MYOCD: variants seen among roughly 807,000 people sequenced by gnomAD.
The protein encoded by MYOCD is myocardin.
A neutral mutation model predicts 96.1 loss-of-function variants in MYOCD; 32 were observed. The observed-to-expected ratio is 0.33, with a 90% confidence interval of 0.25 to 0.45. MYOCD has a LOEUF of 0.45. Ranked by LOEUF, MYOCD falls within the 20% of genes least tolerant of loss-of-function variation. The pLI, the probability that MYOCD is intolerant of heterozygous loss-of-function variation, is 1.00. For synonymous variants in MYOCD, 469 were observed against 469.0 expected (o/e 1.00, Z 0.00); for missense variants, 1,133 against 1,200.6 (o/e 0.94, Z 0.83).
chr17:12,768,469 C>T lies in MYOCD; in HGVS notation c.*4825C>T, dbSNP rs2033396434. ...AGACAAACCAACGCCAGAAGGTCTC[C>T]TGTGCTTATTTTAACCATCTGCTCC... On this transcript the variant is annotated 3_prime_UTR_variant, in exon 14 of 14. Transcript: ENST00000425538. 1 of 152,192 alleles carries T rather than the reference C, an allele frequency of 6.6e-6. No individual in the cohort carries two copies. Among genetic ancestry groups the T allele is most frequent in the Admixed American group, 6.6e-5 (1 of 15,266 alleles). The allele number at this position is 152,192 out of a possible 1,614,324, so 9.4% of individuals were successfully genotyped here.
At chr17:12,759,684 G>A (rs953431339) in intron 12 of MYOCD, among the ~76,000 whole-genome samples, 13 of 152,304 alleles carry the variant, frequency 8.5e-5, no homozygotes, top group African/African-American at 2.6e-4. Flanking sequence ...CTACTGAGAT[G>A]AGCCAGAGAG....
At chr17:12,668,745 C>A (rs1166326122) in intron 1 of MYOCD, among the ~76,000 whole-genome samples, 5 of 152,030 alleles carry the variant, frequency 3.3e-5, no homozygotes, top group Non-Finnish European at 7.4e-5. Context: ...ACATAATTCT[C>A]TGTGCCTCAA....
At chr17:12,695,165 G>A (rs984247158) in intron 1 of MYOCD, among the ~76,000 whole-genome samples, 1 of 152,118 alleles carries the variant, frequency 6.6e-6, no homozygotes, top group African/African-American at 2.4e-5. Context: ...TAACTTATAA[G>A]CCACAATAAA....
chr17:12,752,653 C>A lies in MYOCD; in HGVS notation c.1365C>A (p.Ser455Arg), dbSNP rs201880384. 42 of 1,613,690 alleles carry A rather than the reference C, an allele frequency of 2.6e-5. No individual in the cohort carries two copies. The highest frequency in any genetic ancestry group is 3.5e-5 in the Non-Finnish European group (41 of 1,179,852). ...GFYHFGSTSS[S>R]PPISPASSDL... Reference sequence around the variant, plus strand: ...ACCACTTTGGCAGCACCAGCTCCAGCCCCCCGATCTCCCCAGCCTCCTCTG... The same window carrying A: ...ACCACTTTGGCAGCACCAGCTCCAGACCCCCGATCTCCCCAGCCTCCTCTG... The change falls in exon 10 of 14, where the codon AGC (serine) becomes AGA (arginine). Residue 455 changes from serine (S) to arginine (R), a missense_variant. Coordinates refer to ENST00000425538, the MANE Select transcript of MYOCD (RefSeq NM_001146312.3).
Position 12,766,400 on chromosome 17 carries a change from C to T in MYOCD, c.*2756C>T. 1 of 152,122 alleles carries T rather than the reference C, an allele frequency of 6.6e-6. No individual in the cohort carries two copies. The highest frequency in any genetic ancestry group is 1.5e-5 in the Non-Finnish European group (1 of 68,014). 9.4% of individuals were successfully genotyped at this position (152,122 alleles called of 1,614,324 possible). A position where few individuals can be genotyped will look rare whatever the true frequency, so the allele number is the denominator to read the frequency against. The stretch of plus-strand genomic sequence containing the variant: ...ATAAAATGGTTCCTATATCCTAATG[C>T]AAACCAACACAGTTAAAAGAGCAGA... On this transcript the variant is annotated 3_prime_UTR_variant, in exon 14 of 14. Transcript: ENST00000425538.
chr17:12,678,180 C>T (rs559527511), intron 1 of MYOCD, among the ~76,000 whole-genome samples: 10 of 151,872 alleles, frequency 6.6e-5, no homozygotes, highest in Non-Finnish European at 1.5e-4. Flanking sequence ...TGTGAGCCAC[C>T]GCGCCCAGCC....
Position 12,705,109 on chromosome 17 carries a change from TA to T in MYOCD, c.56-17del. 1 of 1,587,482 alleles carries T rather than the reference TA, an allele frequency of 6.3e-7. No individual in the cohort carries two copies. Among genetic ancestry groups the T allele is most frequent in the Non-Finnish European group, 8.6e-7 (1 of 1,156,936 alleles). ...ATGATATTTAGCCCAACTCACAAAC[TA>T]ACACTCCCTTTTCTAAGTTTTACAG... On this transcript the variant is annotated intron_variant, in intron 1 of 13. Transcript: ENST00000425538.
intron 9 of MYOCD, among the ~76,000 whole-genome samples, chr17:12,751,319 A>C (rs1165857024): frequency 1.3e-5 from 2 of 151,754 alleles, no homozygotes; most frequent in East Asian, 3.9e-4. Context: ...TGTTTATATA[A>C]TTTTTAGAAA....
rs1978291697 is a variant in MYOCD, at chr17:12,758,066, T to C, written c.2203-19T>C. 6.4e-7 allele frequency: 1 copy of C among 1,555,180 alleles called. No homozygotes were observed. Among genetic ancestry groups the C allele is most frequent in the African/African-American group, 1.4e-5 (1 of 73,706 alleles). ...AGATCCATGAATTCAATGCCTTTCTTCATATTTTACCCATGCAGATGGCTG... is the reference window on the plus strand; with the variant it reads ...AGATCCATGAATTCAATGCCTTTCTCCATATTTTACCCATGCAGATGGCTG... On this transcript the variant is annotated intron_variant, in intron 11 of 13. Coordinates refer to ENST00000425538, the MANE Select transcript of MYOCD (RefSeq NM_001146312.3).
At chr17:12,703,437 T>C (rs951386079) in intron 1 of MYOCD, among the ~76,000 whole-genome samples, 10 of 152,120 alleles carry the variant, frequency 6.6e-5, no homozygotes, top group African/African-American at 2.4e-4. Flanking sequence ...TATTTATTCC[T>C]TTAATTCTGT....
intron 1 of MYOCD, among the ~76,000 whole-genome samples, chr17:12,676,251 A>G (rs780302149): frequency 0.12 from 4,909 of 39,460 alleles, 126 homozygotes; most frequent in South Asian, 0.28. Context: ...GCACGCACAC[A>G]CACACACACA....
chr17:12,737,637 C>T (rs1327952853), intron 6 of MYOCD, among the ~76,000 whole-genome samples: 1 of 152,228 alleles, frequency 6.6e-6, no homozygotes, highest in Admixed American at 6.5e-5. Flanking sequence ...GACCCTCAGC[C>T]CCTTCCCTTT....
chr17:12,720,606 C>T (rs2031801839), intron 4 of MYOCD: 1 of 152,190 alleles, frequency 6.6e-6, no homozygotes, highest in Admixed American at 6.5e-5. Flanking sequence ...CTGCCAAATT[C>T]TGGGAAGAAA....
At chr17:12,737,340 G>A (rs533962210) in intron 6 of MYOCD, among the ~76,000 whole-genome samples, 41 of 152,292 alleles carry the variant, frequency 2.7e-4, no homozygotes, top group African/African-American at 9.4e-4. Flanking sequence ...CAGGGGCAGT[G>A]CCAAGTGCAT....
intron 1 of MYOCD, among the ~76,000 whole-genome samples, chr17:12,698,729 CTTTTTTTTTTTTTTTT>C (rs55758881): frequency 3.1e-5 from 2 of 64,084 alleles, no homozygotes; most frequent in African/African-American, 6.1e-5. Flanking sequence ...ACCAGACCCT[CTTTTTTTTTTTTTTTT>C]TTTTTTTTTT....
At chr17:12,748,830 T>TA (rs2032746089) in intron 9 of MYOCD, among the ~76,000 whole-genome samples, 1 of 152,166 alleles carries the variant, frequency 6.6e-6, no homozygotes, top group Non-Finnish European at 1.5e-5. Context: ...AAGAAAATGA[T>TA]AAAACAATTC....
chr17:12,684,275 G>T (rs734466), intron 1 of MYOCD, among the ~76,000 whole-genome samples: 26,368 of 152,106 alleles, frequency 0.17, 4,033 homozygotes, highest in African/African-American at 0.41. Context: ...CCCATCGTCT[G>T]AGCATCAGAT....
At position 12,752,507 on chromosome 17, in the gene MYOCD, T is replaced by G. The variant is rs760130898; in HGVS notation, c.1219T>G (p.Cys407Gly). Residue 407 changes from cysteine (C) to glycine (G), a missense_variant, in exon 10 of 14, where the codon TGC becomes GGC. Transcript: ENST00000425538. ...GGACCGGCTTCGACCCTTCCAGGAC[T>G]GCTCTGGCAACCCAGTGCCGAACTT... ...LMDRLRPFQD[C>G]SGNPVPNFGD... 6.8e-6 allele frequency: 11 copies of G among 1,614,214 alleles called. No homozygotes were observed. In the South Asian group the frequency reaches 1.2e-4, roughly 18 times the overall value.
In MYOCD at chr17:12,752,647, C is replaced by A; in HGVS notation, c.1359C>A (p.Ser453Arg). Residue 453 changes from serine to arginine, a missense_variant, in exon 10 of 14, where the codon AGC becomes AGA. By Grantham distance (110) the Ser-to-Arg change is moderately radical. Coordinates refer to ENST00000425538, the MANE Select transcript of MYOCD (RefSeq NM_001146312.3). The part of the protein sequence containing the change: ...SNGFYHFGST[S>R]SSPPISPASS... ...GCTTCTACCACTTTGGCAGCACCAG[C>A]TCCAGCCCCCCGATCTCCCCAGCCT... The A allele has an allele frequency of 6.2e-7, 1 of 1,614,020 alleles. No homozygotes were observed. Among genetic ancestry groups the A allele is most frequent in the Non-Finnish European group, 8.5e-7 (1 of 1,179,934 alleles).
Sources: allele counts gnomAD v4.1 joint callset (sites outside exome capture counted in the v4.1 genomes callset), GRCh38; gene constraint gnomAD v4.1.1; transcripts MANE v1.5; gene names NCBI Gene and HGNC (gene_info 2026-07-23, HGNC 2026-07-21).